The following EIPR1 variants were observed in gnomAD, a reference collection of about 807,000 sequenced individuals.
EIPR1 encodes EARP and GARP complex-interacting protein 1.
In EIPR1, 25 loss-of-function variants were observed where a neutral mutation model predicts 48.1. That is an observed-to-expected ratio of 0.52 (90% confidence interval 0.38 to 0.73). EIPR1 has a LOEUF of 0.73. EIPR1 is among the 30% of genes least tolerant of loss of function. The pLI is 0.00. For missense variants in EIPR1, 415 were observed against 506.2 expected, an observed-to-expected ratio of 0.82 and a Z score of 1.73; for synonymous variants, 204 against 201.9, an observed-to-expected ratio of 1.01 and a Z score of -0.09.
chr2:3,316,267 C>A (rs1406790817), intron 3 of EIPR1, among the ~76,000 whole-genome samples: 1 of 152,102 alleles, frequency 6.6e-6, no homozygotes, highest in South Asian at 2.1e-4. Flanking sequence ...ACTCCCACCC[C>A]CTCCACCACA....
rs973150040 is a variant in EIPR1, at chr2:3,208,720, T to C, written c.516+5429A>G. On this transcript the variant is annotated intron_variant, in intron 5 of 8. Coordinates refer to ENST00000382125, the MANE Select transcript of EIPR1 (RefSeq NM_003310.5). ...AAACACTCGGCGGGTCCTTCTTCCA[T>C]GCGTGAGGCTCGTGGCGGGTCCTTC... 7 of 1,550,132 alleles carry C rather than the reference T, an allele frequency of 4.5e-6. No individual in the cohort carries two copies. In the Admixed American group the frequency reaches 7.8e-5, roughly 17 times the overall value.
chr2:3,299,694 CTCT>C (rs1434360846), intron 3 of EIPR1, among the ~76,000 whole-genome samples: 2 of 150,790 alleles, frequency 1.3e-5, no homozygotes, highest in Admixed American at 6.6e-5. Context: ...GCTATGTAAG[CTCT>C]TCTTAGGTTT....
intron 3 of EIPR1, chr2:3,319,132 A>AGGT (rs376930111): frequency 5.6e-6 from 2 of 354,450 alleles, no homozygotes; most frequent in East Asian, 7.4e-5. Context: ...TGTCACTCTG[A>AGGT]GACAATAGTT....
intron 4 of EIPR1, among the ~76,000 whole-genome samples, chr2:3,235,427 C>T: frequency 9.3e-6 from 1 of 108,002 alleles, no homozygotes; most frequent in African/African-American, 3.3e-5. Context: ...GGTGCGCACA[C>T]ACACACACAC....
At chr2:3,291,867 T>A (rs1320610163) in intron 3 of EIPR1, among the ~76,000 whole-genome samples, 2 of 152,268 alleles carry the variant, frequency 1.3e-5, no homozygotes, top group Non-Finnish European at 2.9e-5. Flanking sequence ...GTTGGTCACC[T>A]TCGCATGACC....
chr2:3,268,993 G>A (rs923252971), intron 3 of EIPR1, among the ~76,000 whole-genome samples: 14 of 152,184 alleles, frequency 9.2e-5, no homozygotes, highest in Admixed American at 5.9e-4. Flanking sequence ...GGAGGCCCAC[G>A]GGAGAATCAC....
At chr2:3,367,096 A>C (rs1670992610) in intron 1 of EIPR1, among the ~76,000 whole-genome samples, 1 of 136,944 alleles carries the variant, frequency 7.3e-6, no homozygotes, top group South Asian at 2.3e-4. Flanking sequence ...AATAAATTCA[A>C]CTGATGAAAT....
intron 4 of EIPR1, among the ~76,000 whole-genome samples, chr2:3,221,971 T>C (rs1235940176): frequency 6.6e-6 from 1 of 152,094 alleles, no homozygotes; most frequent in African/African-American, 2.4e-5. Context: ...TGAAAACTTG[T>C]TTCCCAAATC....
chr2:3,223,201 G>T (rs1004504221), intron 4 of EIPR1, among the ~76,000 whole-genome samples: 1 of 152,206 alleles, frequency 6.6e-6, no homozygotes, highest in Non-Finnish European at 1.5e-5. Flanking sequence ...CACATTCTCA[G>T]GCCTTGGTCG....
chr2:3,243,074 C>T (rs1243539431), intron 4 of EIPR1, among the ~76,000 whole-genome samples: 1 of 152,178 alleles, frequency 6.6e-6, no homozygotes, highest in Non-Finnish European at 1.5e-5. Context: ...GGAAGTTTGA[C>T]ACTGGGTAAC....
chr2:3,348,673 G>A (rs1267446418), intron 2 of EIPR1, among the ~76,000 whole-genome samples: 1 of 152,264 alleles, frequency 6.6e-6, no homozygotes, highest in Non-Finnish European at 1.5e-5. Flanking sequence ...CACATTTTCA[G>A]AAAGATAGCG....
At chr2:3,246,152 C>G (rs1364828100) in intron 4 of EIPR1, among the ~76,000 whole-genome samples, 7 of 152,178 alleles carry the variant, frequency 4.6e-5, no homozygotes, top group Non-Finnish European at 1.0e-4. Flanking sequence ...CAATTCCCTA[C>G]TCTCCTTAAT....
intron 3 of EIPR1, among the ~76,000 whole-genome samples, chr2:3,310,587 A>G (rs532762949): frequency 1.0e-4 from 14 of 140,388 alleles, no homozygotes; most frequent in Admixed American, 8.2e-4. Flanking sequence ...CGGGAGGCGG[A>G]GCTTGCAGTG....
chr2:3,260,722 C>G (rs540420958), intron 3 of EIPR1, among the ~76,000 whole-genome samples: 20 of 152,234 alleles, frequency 1.3e-4, no homozygotes, highest in Non-Finnish European at 2.5e-4. Flanking sequence ...AAATCAGACA[C>G]TTCACAAAAG....
intron 2 of EIPR1, among the ~76,000 whole-genome samples, chr2:3,345,096 G>A (rs1296315493): frequency 6.6e-6 from 1 of 152,120 alleles, no homozygotes; most frequent in Non-Finnish European, 1.5e-5. Flanking sequence ...GCTCAGAACT[G>A]TGCAGAAAGT....
At chr2:3,334,189 G>A (rs115035147) in intron 3 of EIPR1, among the ~76,000 whole-genome samples, 8 of 152,284 alleles carry the variant, frequency 5.3e-5, no homozygotes, top group Non-Finnish European at 7.4e-5. Context: ...CCCAGGCACC[G>A]GCAGGGTAAA....
At chr2:3,295,444 C>T (rs1265284987) in intron 3 of EIPR1, among the ~76,000 whole-genome samples, 5 of 141,752 alleles carry the variant, frequency 3.5e-5, no homozygotes, top group Non-Finnish European at 1.5e-5. Flanking sequence ...CACACACACC[C>T]TCCATCCAGC....
At position 3,338,116 on chromosome 2, in the gene EIPR1, T is replaced by C; in HGVS notation, c.160A>G (p.Ile54Val). 6.2e-7 allele frequency: 1 copy of C among 1,612,136 alleles called. No individual in the cohort carries two copies. The highest frequency in any genetic ancestry group is 8.5e-7 in the Non-Finnish European group (1 of 1,179,646). Reference protein sequence around the residue: ...HIIDFDDENNIINKNVLLHQA... With the variant: ...HIIDFDDENNVINKNVLLHQA... ...TGGAGGAGGACATTTTTATTTATAA[T>C]GTTGTTTTCATCGTCAAAATCTATG... Residue 54 changes from isoleucine to valine, a missense_variant, in exon 3 of 9, where the codon ATT (isoleucine) becomes GTT (valine). Coordinates refer to ENST00000382125, the MANE Select transcript of EIPR1 (RefSeq NM_003310.5).
chr2:3,193,724 T>C (rs1297945408), intron 7 of EIPR1, among the ~76,000 whole-genome samples: 1 of 152,250 alleles, frequency 6.6e-6, no homozygotes, highest in African/African-American at 2.4e-5. Flanking sequence ...CAAATAATGT[T>C]GCGTGAACAT....
Sources: allele counts gnomAD v4.1 joint callset (sites outside exome capture counted in the v4.1 genomes callset), GRCh38; gene constraint gnomAD v4.1.1; transcripts MANE v1.5; gene names NCBI Gene and HGNC (gene_info 2026-07-23, HGNC 2026-07-21).